The following SMG6 variants were observed in gnomAD, a reference collection of about 807,000 sequenced individuals.
The protein encoded by SMG6 is telomerase-binding protein EST1A.
Under a neutral mutation model 142.2 loss-of-function variants are expected in SMG6, and 66 were observed. The observed-to-expected ratio is 0.46, with a 90% confidence interval of 0.38 to 0.57. SMG6 has a LOEUF of 0.57. SMG6 is among the 20% of genes least tolerant of loss of function. The pLI, the probability that SMG6 is intolerant of heterozygous loss-of-function variation, is 0.00. For synonymous variants in SMG6, 779 were observed against 702.4 expected (o/e 1.11, Z -1.72); for missense variants, 1,793 against 1,832.0 (o/e 0.98, Z 0.39).
chr17:2,112,584 G>A (rs2069371083), intron 13 of SMG6, among the ~76,000 whole-genome samples: 2 of 149,666 alleles, frequency 1.3e-5, no homozygotes, highest in Admixed American at 1.3e-4. Context: ...GCAATGGTCT[G>A]TTCCAAGTTC....
chr17:2,074,260 G>A (rs2068196644), intron 15 of SMG6, among the ~76,000 whole-genome samples: 1 of 151,912 alleles, frequency 6.6e-6, no homozygotes. Flanking sequence ...TCTATGAAAA[G>A]ACTTATTGTA....
rs868830056 is a variant in SMG6, at chr17:2,224,997, C to T, written c.2869+11495G>A. 2.6e-5 allele frequency among the ~76,000 whole-genome samples: 4 copies of T among 152,178 alleles called. No homozygotes were observed. The South Asian group carries it at 8.3e-4, about 32-fold the overall frequency. On this transcript the variant is annotated intron_variant, in intron 10 of 18. Transcript: ENST00000263073. ...GGGCTGAGCAAAAGTAACTGTTAGGCTAGAATTCTATTACTGGAATAAGGG... is the reference window on the plus strand; with the variant it reads ...GGGCTGAGCAAAAGTAACTGTTAGGTTAGAATTCTATTACTGGAATAAGGG...
At chr17:2,153,794 GTGTGATGGTGA>G (rs1313098966) in intron 13 of SMG6, among the ~76,000 whole-genome samples, 1 of 101,186 alleles carries the variant, frequency 9.9e-6, no homozygotes, top group Non-Finnish European at 2.0e-5. Context: ...TGCACGTAGA[GTGTGATGGTGA>G]CTGGGGGAAC....
intron 13 of SMG6, among the ~76,000 whole-genome samples, chr17:2,145,637 T>C (rs73979410): frequency 0.033 from 2,113 of 63,338 alleles, 80 homozygotes; most frequent in African/African-American, 0.14. Flanking sequence ...CAAGGCTCCA[T>C]CTCCCCAAAA....
At chr17:2,226,678 T>C (rs1309373972) in intron 10 of SMG6, among the ~76,000 whole-genome samples, 5 of 151,400 alleles carry the variant, frequency 3.3e-5, no homozygotes, top group Non-Finnish European at 2.9e-5. Context: ...GTGGATCACC[T>C]GAGGTCAGGA....
At chr17:2,179,681 C>A (rs2071749188) in intron 12 of SMG6, among the ~76,000 whole-genome samples, 1 of 152,126 alleles carries the variant, frequency 6.6e-6, no homozygotes, top group African/African-American at 2.4e-5. Flanking sequence ...AAGGTCTGGG[C>A]AGCCTGGTGA....
At chr17:2,286,909 C>T (rs1279441253) in intron 6 of SMG6, among the ~76,000 whole-genome samples, 1 of 144,512 alleles carries the variant, frequency 6.9e-6, no homozygotes, top group Non-Finnish European at 1.5e-5. Flanking sequence ...CTTGACAACA[C>T]AAAACATAAA....
chr17:2,294,980 G>A (rs916607837), intron 4 of SMG6, among the ~76,000 whole-genome samples: 1 of 151,706 alleles, frequency 6.6e-6, no homozygotes, highest in Non-Finnish European at 1.5e-5. Flanking sequence ...GTTTTTAAGC[G>A]ATTCTCCTGT....
intron 10 of SMG6, among the ~76,000 whole-genome samples, chr17:2,209,426 A>G (rs62069332): frequency 0.38 from 57,132 of 151,894 alleles, 11,057 homozygotes; most frequent in Middle Eastern, 0.45. Context: ...GTGCAGTAGC[A>G]CGATCTCGGC....
At chr17:2,262,913 G>A (rs1406003081) in intron 8 of SMG6, among the ~76,000 whole-genome samples, 1 of 152,118 alleles carries the variant, frequency 6.6e-6, no homozygotes, top group Non-Finnish European at 1.5e-5. Flanking sequence ...GGCCTCAGAG[G>A]AGGTTTTACA....
intron 13 of SMG6, among the ~76,000 whole-genome samples, chr17:2,159,402 T>TGTGG (rs1444987045): frequency 2.0e-5 from 3 of 152,178 alleles, no homozygotes; most frequent in Admixed American, 6.5e-5. Context: ...TACACTCCAG[T>TGTGG]GTGGGTGACA....
intron 13 of SMG6, among the ~76,000 whole-genome samples, chr17:2,111,458 C>A (rs1490724015): frequency 6.6e-6 from 1 of 152,174 alleles, no homozygotes; most frequent in Non-Finnish European, 1.5e-5. Context: ...GTTGCCCAGG[C>A]TGCAGTACAG....
At chr17:2,175,119 C>T (rs1476413612) in intron 12 of SMG6, among the ~76,000 whole-genome samples, 1 of 152,230 alleles carries the variant, frequency 6.6e-6, no homozygotes, top group Admixed American at 6.5e-5. Context: ...CCCCAGTGCC[C>T]TGCTGGCCAC....
At chr17:2,083,774 T>A (rs1404674866) in intron 14 of SMG6, among the ~76,000 whole-genome samples, 2 of 152,168 alleles carry the variant, frequency 1.3e-5, no homozygotes, top group Non-Finnish European at 2.9e-5. Flanking sequence ...GGGCTTGAAG[T>A]GAGCTTGACT....
intron 10 of SMG6, chr17:2,229,189 C>G (rs2073401355): frequency 6.6e-6 from 1 of 152,162 alleles, no homozygotes; most frequent in South Asian, 2.1e-4. Flanking sequence ...TTTCCTCTAC[C>G]CATGACAATA....
intron 13 of SMG6, chr17:2,088,622 T>C (rs2068629876): frequency 1.6e-5 from 16 of 985,478 alleles, no homozygotes; most frequent in South Asian, 4.7e-5. Flanking sequence ...AAAGGTTGTC[T>C]GTCTTTTGGA....
At chr17:2,065,828 G>A (rs1413465448) in intron 16 of SMG6, 149 bp from the exon 17 acceptor site, 2 of 672,564 alleles carry the variant, frequency 3.0e-6, no homozygotes, top group Admixed American at 2.5e-5. Context: ...GGGCCGGAGG[G>A]GAGCTTGTGG....
rs372197276 is a variant in SMG6 at position 2,300,407 on chromosome 17, G to A, written c.346C>T (p.Arg116Trp). Residue 116 changes from arginine (R) to tryptophan (W), a missense_variant, in exon 2 of 19, where the codon CGG becomes TGG. This residue lies in a region of SMG6 where 1,597 missense variants were observed against 1,584.6 expected (regional missense o/e 1.01). Transcript: ENST00000263073. ...GTCCTAGGAAAGGATTCTTGTCCCC[G>A]ATTATTTTCTGGGTCTATAGGACCA... ...QNGPIDPENN[R>W]GQESFPRTAG... is the part of the protein sequence containing the mutation. The A allele has an allele frequency of 6.8e-6, 11 of 1,614,144 alleles. No homozygotes were observed. The highest frequency in any genetic ancestry group is 3.3e-5 in the Admixed American group (2 of 60,024).
intron 12 of SMG6, 48 bp from the exon 13 acceptor site, chr17:2,172,907 A>G: frequency 6.6e-7 from 1 of 1,518,196 alleles, no homozygotes; most frequent in East Asian, 2.3e-5. Flanking sequence ...AGGGACCAGT[A>G]AAAAAAAGTA....
Sources: gnomAD v4.1 joint callset for allele counts (sites outside exome capture counted in the v4.1 genomes callset) on GRCh38, gnomAD v4.1.1 for gene constraint, gnomAD v4.1.1 regional missense constraint, MANE v1.5 for transcripts, NCBI Gene and HGNC (gene_info 2026-07-23, HGNC 2026-07-21) for gene names.